ANTXR1: variants seen among roughly 807,000 people sequenced by gnomAD.
The protein encoded by ANTXR1 is ANTXR cell adhesion molecule 1.
ANTXR1 carries 19 observed loss-of-function variants against 78.1 expected under a neutral mutation model. That is an observed-to-expected ratio of 0.24 (90% CI 0.17 to 0.36). The LOEUF (loss-of-function observed/expected upper bound fraction) is 0.36. Among genes scored for constraint, ANTXR1 ranks in the 10% least tolerant of loss-of-function variants. The probability of loss-of-function intolerance (pLI) is 1.00; values close to 1 mark genes in which losing one functional copy is unlikely to be tolerated. For synonymous variants in ANTXR1, 273 were observed against 260.5 expected, an observed-to-expected ratio of 1.05 and a Z score of -0.46; for missense variants, 518 against 718.6, an observed-to-expected ratio of 0.72 and a Z score of 3.19.
At chr2:69,143,129 A>G (rs183774484) in intron 12 of ANTXR1, among the ~76,000 whole-genome samples, 51 of 152,340 alleles carry the variant, frequency 3.3e-4, no homozygotes, top group African/African-American at 1.2e-3. Context: ...AGTGGCTCCA[A>G]CTGCAGTGTA....
At chr2:69,073,245 A>G (rs1294465278) in intron 6 of ANTXR1, 144 bp downstream of exon 6, 1 of 752,104 alleles carries the variant, frequency 1.3e-6, no homozygotes, top group Non-Finnish European at 2.3e-6. Flanking sequence ...TAGAAATAAT[A>G]ATAATAATTC....
chr2:69,071,979 G>A (rs966331865), intron 5 of ANTXR1, among the ~76,000 whole-genome samples, 192 bp downstream of exon 5: 4 of 152,162 alleles, frequency 2.6e-5, no homozygotes, highest in Non-Finnish European at 5.9e-5. Flanking sequence ...CCACTGTCCT[G>A]TTGATGCCAA....
chr2:69,146,579 G>A (rs1673231297), intron 12 of ANTXR1, among the ~76,000 whole-genome samples: 1 of 152,220 alleles, frequency 6.6e-6, no homozygotes. Flanking sequence ...GAGTCTGCTG[G>A]GCTGGACAGG....
At chr2:69,014,176 G>T (rs1391360575) in intron 1 of ANTXR1, among the ~76,000 whole-genome samples, 1 of 152,212 alleles carries the variant, frequency 6.6e-6, no homozygotes, top group Non-Finnish European at 1.5e-5. Flanking sequence ...CGGGCACTGA[G>T]TGAGAATGAA....
intron 14 of ANTXR1, among the ~76,000 whole-genome samples, chr2:69,180,816 T>C (rs1322158098): frequency 6.6e-6 from 1 of 152,106 alleles, no homozygotes; most frequent in Admixed American, 6.5e-5. Flanking sequence ...AACAGATTGA[T>C]GGAATGAAGA....
intron 17 of ANTXR1, among the ~76,000 whole-genome samples, chr2:69,204,997 C>T (rs1057022581): frequency 6.6e-6 from 1 of 152,168 alleles, no homozygotes; most frequent in African/African-American, 2.4e-5. Flanking sequence ...CTCCCACTCT[C>T]CAGCAGGCAC....
At chr2:69,127,373 C>T (rs1672573835) in intron 12 of ANTXR1, among the ~76,000 whole-genome samples, 1 of 152,002 alleles carries the variant, frequency 6.6e-6, no homozygotes, top group Admixed American at 6.5e-5. Flanking sequence ...CTGTGGCCAG[C>T]GATCCTTGGT....
chr2:69,073,554 T>C (rs1168968751), intron 6 of ANTXR1, among the ~76,000 whole-genome samples: 2 of 152,210 alleles, frequency 1.3e-5, no homozygotes, highest in Non-Finnish European at 2.9e-5. Context: ...AGAACCAAAG[T>C]TAAACAGCAG....
At chr2:69,218,526 A>G (rs1675235226) in intron 17 of ANTXR1, among the ~76,000 whole-genome samples, 2 of 152,188 alleles carry the variant, frequency 1.3e-5, no homozygotes, top group Admixed American at 1.3e-4. Context: ...TGGAAAATAC[A>G]CTGGACAGTG....
At chr2:69,172,918 G>GATCC (rs779898093) in intron 14 of ANTXR1, among the ~76,000 whole-genome samples, 3 of 152,210 alleles carry the variant, frequency 2.0e-5, no homozygotes, top group Non-Finnish European at 4.4e-5. Context: ...CACCAGTGGG[G>GATCC]ATCCCTCCCT....
intron 13 of ANTXR1, among the ~76,000 whole-genome samples, chr2:69,153,476 G>A (rs769587799): frequency 2.6e-5 from 4 of 152,218 alleles, no homozygotes; most frequent in Non-Finnish European, 5.9e-5. Flanking sequence ...TGGAAGGAGA[G>A]ACCCAGGACA....
intron 10 of ANTXR1, 150 bp from the exon 11 acceptor site, chr2:69,122,867 A>G: frequency 2.6e-6 from 2 of 775,646 alleles, no homozygotes; most frequent in Admixed American, 2.0e-5. Flanking sequence ...TCCTTGCGAT[A>G]GTTTGCTGTA....
In ANTXR1 at chr2:69,152,193, G is replaced by A. The variant is rs119475040; in HGVS notation, c.976G>A (p.Ala326Thr). 7.4e-6 allele frequency: 12 copies of A among 1,613,952 alleles called. No homozygotes were observed. Among genetic ancestry groups the A allele is most frequent in the East Asian group, 2.2e-5 (1 of 44,884 alleles). ...HCSDGSILAI[A>T]LLILFLLLAL... The stretch of plus-strand genomic sequence containing the variant: ...GTCTGACGGTTCCATCCTGGCCATC[G>A]CCCTGCTGATCCTGTTCCTGCTCCT... Residue 326 changes from alanine to threonine, a missense_variant, in exon 13 of 18, where the codon GCC (alanine) becomes ACC (threonine). By Grantham distance (58) the Ala-to-Thr change is moderately conservative. Around this residue, in one of 5 missense-constraint regions of ANTXR1, gnomAD observed 264 missense variants for 391.8 expected, o/e 0.67. Transcript: ENST00000303714.
At chr2:69,215,661 T>C (rs1675156843) in intron 17 of ANTXR1, among the ~76,000 whole-genome samples, 1 of 152,234 alleles carries the variant, frequency 6.6e-6, no homozygotes, top group African/African-American at 2.4e-5. Flanking sequence ...CTGAGATTAT[T>C]TGTACTCAAT....
chr2:69,182,629 C>T lies in ANTXR1; in HGVS notation c.1322C>T (p.Ser441Phe). The change falls in exon 16 of 18, where the codon TCT (serine) becomes TTT (phenylalanine). Residue 441 changes from serine (S) to phenylalanine (F), a missense_variant. Coordinates refer to ENST00000303714, the MANE Select transcript of ANTXR1 (RefSeq NM_032208.3). ...CTCAACAACAATATGCGTCGGCCTT[C>T]TTCCCCCCGGAAGTGGTACTCTCCA... ...RNLNNNMRRP[S>F]SPRKWYSPIK... is the part of the protein sequence containing the mutation. 6.2e-7 allele frequency: 1 copy of T among 1,614,160 alleles called. No homozygotes were observed. Among genetic ancestry groups the T allele is most frequent in the Non-Finnish European group, 8.5e-7 (1 of 1,180,030 alleles).
intron 3 of ANTXR1, among the ~76,000 whole-genome samples, chr2:69,046,078 G>T (rs777411512): frequency 2.6e-5 from 4 of 152,078 alleles, no homozygotes; most frequent in Non-Finnish European, 5.9e-5. Context: ...TCCTCATCTT[G>T]CTCAGTCTTT....
chr2:69,134,721 A>T (rs1290894980), intron 12 of ANTXR1, among the ~76,000 whole-genome samples: 1 of 152,232 alleles, frequency 6.6e-6, no homozygotes, highest in Non-Finnish European at 1.5e-5. Flanking sequence ...GTGATACTGG[A>T]GACAACTTCT....
intron 1 of ANTXR1, among the ~76,000 whole-genome samples, chr2:69,016,599 C>G (rs147448827): frequency 2.6e-5 from 4 of 152,254 alleles, no homozygotes; most frequent in African/African-American, 7.2e-5. Context: ...ATACTATACA[C>G]TTTTAGATGG....
intron 17 of ANTXR1, among the ~76,000 whole-genome samples, chr2:69,201,421 G>C (rs945554540): frequency 4.6e-5 from 7 of 152,176 alleles, no homozygotes; most frequent in African/African-American, 1.2e-4. Context: ...GTGGTGAAGA[G>C]GAACCTGAGT....
Sources: allele counts gnomAD v4.1 joint callset (sites outside exome capture counted in the v4.1 genomes callset), GRCh38; gene constraint gnomAD v4.1.1; regional missense constraint gnomAD v4.1.1; transcripts MANE v1.5; gene names NCBI Gene and HGNC (gene_info 2026-07-23, HGNC 2026-07-21).